SUGCT: variants seen among roughly 807,000 people sequenced by gnomAD.
The protein encoded by SUGCT is succinyl-CoA:glutarate CoA-transferase.
A neutral mutation model predicts 55.0 loss-of-function variants in SUGCT; 41 were observed. The ratio of observed to expected loss-of-function variants is 0.74; its 90% confidence interval spans 0.58 to 0.97. The LOEUF (loss-of-function observed/expected upper bound fraction) is 0.97, where lower values mean the gene tolerates loss of function less well. SUGCT is among the 50% of genes least tolerant of loss of function. The pLI is 0.00. For missense variants in SUGCT, 568 were observed against 547.8 expected, an observed-to-expected ratio of 1.04 and a Z score of -0.37; for synonymous variants, 187 against 200.4, an observed-to-expected ratio of 0.93 and a Z score of 0.56.
At chr7:40,575,368 C>T (rs970554692) in intron 12 of SUGCT, among the ~76,000 whole-genome samples, 1 of 152,050 alleles carries the variant, frequency 6.6e-6, no homozygotes, top group Non-Finnish European at 1.5e-5. Context: ...AACTAACCAC[C>T]GAAAGATAGT....
At chr7:40,974,854 T>C in the SUGCT span, among the ~76,000 whole-genome samples, 1 of 152,216 alleles carries the variant, frequency 6.6e-6, no homozygotes, top group Non-Finnish European at 1.5e-5. Context: ...TGAACATTTT[T>C]TTCATTTCTC....
intron 8 of SUGCT, among the ~76,000 whole-genome samples, chr7:40,316,071 G>A (rs1032151902): frequency 1.3e-5 from 2 of 152,112 alleles, no homozygotes; most frequent in African/African-American, 2.4e-5. Context: ...TAATAGATCG[G>A]CAGTTCTCAA....
At chr7:40,321,232 C>T (rs572886701) in intron 9 of SUGCT, among the ~76,000 whole-genome samples, 5 of 151,032 alleles carry the variant, frequency 3.3e-5, no homozygotes, top group South Asian at 4.2e-4. Context: ...AACGCCATCA[C>T]GCCTGGCTAA....
intron 12 of SUGCT, among the ~76,000 whole-genome samples, chr7:40,638,962 A>C (rs1800141657): frequency 6.6e-6 from 1 of 152,222 alleles, no homozygotes; most frequent in Non-Finnish European, 1.5e-5. Flanking sequence ...AAATCAGAGA[A>C]ACCAAAGAAA....
chr7:40,363,373 C>G (rs1455133769), intron 9 of SUGCT, among the ~76,000 whole-genome samples: 1 of 151,954 alleles, frequency 6.6e-6, no homozygotes, highest in Non-Finnish European at 1.5e-5. Flanking sequence ...TGTGTTTGCT[C>G]TTGGTTTTCT....
chr7:40,809,037 G>A (rs1428823533), intron 13 of SUGCT, among the ~76,000 whole-genome samples: 2 of 152,148 alleles, frequency 1.3e-5, no homozygotes, highest in East Asian at 1.9e-4. Context: ...AGTTGGACTG[G>A]ACAAGATAAA....
intron 13 of SUGCT, among the ~76,000 whole-genome samples, chr7:40,770,116 G>C (rs1789014992): frequency 6.6e-6 from 1 of 152,094 alleles, no homozygotes; most frequent in Non-Finnish European, 1.5e-5. Flanking sequence ...CTGTCATGCT[G>C]AACTTGTCAA....
chr7:41,014,930 G>A, the SUGCT span, among the ~76,000 whole-genome samples: 1 of 152,176 alleles, frequency 6.6e-6, no homozygotes, highest in African/African-American at 2.4e-5. Flanking sequence ...GCAGCATATG[G>A]ATGACACATG....
At chr7:40,797,925 C>T (rs1017538413) in intron 13 of SUGCT, among the ~76,000 whole-genome samples, 4 of 152,190 alleles carry the variant, frequency 2.6e-5, no homozygotes, top group African/African-American at 7.2e-5. Flanking sequence ...CTATGGCCAA[C>T]TCATGCTGTA....
chr7:40,461,698 C>A (rs889541090), intron 11 of SUGCT, among the ~76,000 whole-genome samples: 3 of 152,196 alleles, frequency 2.0e-5, no homozygotes, highest in Non-Finnish European at 4.4e-5. Flanking sequence ...ACATGCATTA[C>A]ACAGCCACCT....
intron 12 of SUGCT, among the ~76,000 whole-genome samples, chr7:40,712,714 C>T (rs1212125566): frequency 6.6e-6 from 1 of 152,222 alleles, no homozygotes; most frequent in Non-Finnish European, 1.5e-5. Context: ...GAATATACCT[C>T]AGAAGAGGAT....
intron 12 of SUGCT, among the ~76,000 whole-genome samples, chr7:40,667,107 A>C (rs1801684562): frequency 9.9e-6 from 1 of 100,844 alleles, no homozygotes; most frequent in Non-Finnish European, 1.8e-5. Context: ...ATCCTATCTC[A>C]AAAAAAAAAA....
chr7:40,531,449 T>C (rs1013655439), intron 12 of SUGCT, among the ~76,000 whole-genome samples: 1 of 152,146 alleles, frequency 6.6e-6, no homozygotes, highest in Admixed American at 6.5e-5. Context: ...TGGTCCTTTT[T>C]ATTTCTATCT....
At chr7:40,233,093 TTTTA>T (rs1288351592) in intron 6 of SUGCT, among the ~76,000 whole-genome samples, 5 of 152,102 alleles carry the variant, frequency 3.3e-5, no homozygotes, top group South Asian at 4.1e-4. Context: ...TGCTTTAAAA[TTTTA>T]TTTATTTATT....
chr7:40,222,526 C>T (rs539170498), intron 6 of SUGCT, among the ~76,000 whole-genome samples: 1 of 152,310 alleles, frequency 6.6e-6, no homozygotes, highest in East Asian at 1.9e-4. Flanking sequence ...ACTGTCTGCA[C>T]ATGGTAGCTA....
chr7:40,164,154 C>T (rs1343461647), intron 1 of SUGCT, among the ~76,000 whole-genome samples: 6 of 148,088 alleles, frequency 4.1e-5, no homozygotes, highest in Admixed American at 6.8e-5. Flanking sequence ...GACGGAGTCT[C>T]GTTCTGTCAT....
intron 7 of SUGCT, among the ~76,000 whole-genome samples, chr7:40,257,886 A>G (rs1188649648): frequency 6.6e-6 from 1 of 152,176 alleles, no homozygotes; most frequent in Non-Finnish European, 1.5e-5. Flanking sequence ...AAAAAAAAAT[A>G]AATAAATAAA....
intron 11 of SUGCT, among the ~76,000 whole-genome samples, chr7:40,463,974 C>T (rs1025842979): frequency 3.9e-5 from 6 of 152,096 alleles, no homozygotes; most frequent in African/African-American, 9.7e-5. Flanking sequence ...ACTCTTAAAC[C>T]TGTGCTACTC....
chr7:40,270,611 T>C (rs940277627), intron 7 of SUGCT, among the ~76,000 whole-genome samples: 14 of 152,220 alleles, frequency 9.2e-5, no homozygotes, highest in African/African-American at 3.4e-4. Flanking sequence ...ACAGTAGCTT[T>C]GTAGTAAGTT....
Sources: allele counts gnomAD v4.1 joint callset (sites outside exome capture counted in the v4.1 genomes callset), GRCh38; gene constraint gnomAD v4.1.1; transcripts MANE v1.5; gene names NCBI Gene and HGNC (gene_info 2026-07-23, HGNC 2026-07-21).